The following TRIOBP variants were observed in gnomAD, a reference collection of about 807,000 sequenced individuals.
TRIOBP encodes TRIO and F-actin-binding protein.
TRIOBP carries 169 observed loss-of-function variants against 238.8 expected under a neutral mutation model. The ratio of observed to expected loss-of-function variants is 0.71; its 90% CI spans 0.62 to 0.80. The LOEUF (loss-of-function observed/expected upper bound fraction) is 0.80, where lower values mean the gene tolerates loss of function less well. Ranked by LOEUF, TRIOBP falls within the 30% of genes least tolerant of loss-of-function variation. The probability of loss-of-function intolerance (pLI) is 0.00; values close to 1 mark genes in which losing one functional copy is unlikely to be tolerated. For missense variants in TRIOBP, 2,838 were observed against 3,122.6 expected (o/e 0.91, Z 2.17); for synonymous variants, 1,150 against 1,274.4 (o/e 0.90, Z 2.08).
rs968383354 is a variant in TRIOBP, at chr22:37,723,152, CCCTTA to C, written c.629-28_629-24del. On this transcript the variant is annotated intron_variant, in intron 6 of 23. Coordinates refer to ENST00000644935, the MANE Select transcript of TRIOBP (RefSeq NM_001039141.3). ...AATATGAGAGCTGCCTGGACCTCTC[CCCTTA>C]CCTTGAGCCCCTCTCTTCTCTCTCC... 6 of 1,611,166 alleles carry C rather than the reference CCCTTA, an allele frequency of 3.7e-6. No individual in the cohort carries two copies. The African/African-American group carries it at 8.0e-5, about 22-fold the overall frequency.
chr22:37,772,846 C>T (rs749245446), intron 23 of TRIOBP, 82 bp downstream of exon 23: 56 of 1,529,440 alleles, frequency 3.7e-5, no homozygotes, highest in Non-Finnish European at 5.0e-5. Flanking sequence ...CCACCCCAGC[C>T]AGGCCACTTC....
rs745373939 is a variant in TRIOBP, at chr22:37,769,275, G to A, written c.6749G>A (p.Arg2250His). 5.6e-6 allele frequency: 9 copies of A among 1,610,900 alleles called. No homozygotes were observed. The highest frequency in any genetic ancestry group is 1.3e-5 in the African/African-American group (1 of 74,852). ...TGCCTCTCCCAGGAGCTGCATGGCC[G>A]CCTGTCAGAGGAGATAGACCAGCTG... ...LLRHNQELHG[R>H]LSEEIDQLRG... Residue 2250 changes from arginine to histidine, a missense_variant, in exon 21 of 24, where the codon CGC becomes CAC. This residue lies in a region of TRIOBP where 2,096 missense variants were observed against 2,137.4 expected (regional missense o/e 0.98). Coordinates refer to ENST00000644935, the MANE Select transcript of TRIOBP (RefSeq NM_001039141.3).
intron 3 of TRIOBP, 122 bp from the exon 4 acceptor site, chr22:37,710,305 A>G: frequency 7.0e-7 from 1 of 1,437,884 alleles, no homozygotes; most frequent in Admixed American, 1.9e-5. Context: ...CAGCTCCTTG[A>G]GAAGTGCAGG....
chr22:37,722,297 G>A (rs1482982370), intron 6 of TRIOBP, among the ~76,000 whole-genome samples: 2 of 152,146 alleles, frequency 1.3e-5, no homozygotes, highest in African/African-American at 4.8e-5. Flanking sequence ...GCATAGTGGT[G>A]CATGCCTGTA....
intron 18 of TRIOBP, 57 bp downstream of exon 18, chr22:37,765,874 C>T: frequency 6.5e-7 from 1 of 1,532,774 alleles, no homozygotes; most frequent in Non-Finnish European, 8.7e-7. Flanking sequence ...TGCTGAGGTT[C>T]CTCCTAGCCA....
At chr22:37,705,161 G>A (rs1922867829) in intron 3 of TRIOBP, among the ~76,000 whole-genome samples, 1 of 151,998 alleles carries the variant, frequency 6.6e-6, no homozygotes, top group Admixed American at 6.6e-5. Flanking sequence ...GATCACCTGA[G>A]GTCAGGAGTT....
intron 15 of TRIOBP, among the ~76,000 whole-genome samples, chr22:37,757,231 T>C (rs1200099849): frequency 6.6e-6 from 1 of 152,062 alleles, no homozygotes; most frequent in Non-Finnish European, 1.5e-5. Context: ...GGCGTGGTGG[T>C]GCATGTCTGT....
intron 4 of TRIOBP, among the ~76,000 whole-genome samples, chr22:37,711,004 A>G (rs1323224342): frequency 6.6e-6 from 1 of 152,224 alleles, no homozygotes; most frequent in Non-Finnish European, 1.5e-5. Flanking sequence ...TCACCCACCT[A>G]CGTGGGTGTG....
intron 10 of TRIOBP, among the ~76,000 whole-genome samples, chr22:37,740,039 C>T (rs990632746): frequency 2.6e-5 from 4 of 151,694 alleles, no homozygotes; most frequent in Admixed American, 6.6e-5. Context: ...TGAGTCGGAG[C>T]GCCATCAAAG....
rs1434049652 is a variant in TRIOBP at position 37,771,883 on chromosome 22, C to G, written c.6936+147C>G. On this transcript the variant is annotated intron_variant, in intron 22 of 23. Coordinates refer to ENST00000644935, the MANE Select transcript of TRIOBP (RefSeq NM_001039141.3). ...GCTTCTCCCATGTAGGTGTCATCAT[C>G]CCCATTCACTGACAGGGAAACTGAG... The G allele has an allele frequency of 6.6e-6, 5 of 752,140 alleles. No homozygotes were observed. In the Admixed American group the frequency reaches 1.0e-4, roughly 15 times the overall value. The allele number at this position is 752,140 out of a possible 1,614,324, so 46.6% of individuals were successfully genotyped here.
chr22:37,761,721 A>G (rs1327691490), intron 17 of TRIOBP, among the ~76,000 whole-genome samples: 1 of 151,910 alleles, frequency 6.6e-6, no homozygotes, highest in African/African-American at 2.4e-5. Context: ...GGAAGCCCGG[A>G]GACCGTCCTG....
intron 23 of TRIOBP, 39 bp downstream of exon 23, chr22:37,772,803 G>A (rs1193507133): frequency 3.1e-6 from 5 of 1,601,720 alleles, no homozygotes; most frequent in Non-Finnish European, 4.3e-6. Flanking sequence ...GTGGGCAGGG[G>A]CTGAGGCTCT....
chr22:37,738,803 C>A, intron 10 of TRIOBP, 84 bp downstream of exon 10: 1 of 1,433,598 alleles, frequency 7.0e-7, no homozygotes, highest in Non-Finnish European at 9.7e-7. Context: ...CTCAGAAGAG[C>A]CCTAGAATCA....
At chr22:37,734,014 T>C (rs900660133) in intron 8 of TRIOBP, among the ~76,000 whole-genome samples, 3 of 152,216 alleles carry the variant, frequency 2.0e-5, no homozygotes, top group African/African-American at 2.4e-5. Context: ...GAAGCAAGAA[T>C]CTGGCTCTAA....
rs1569030327 is a variant in TRIOBP at position 37,701,387 on chromosome 22, GC to G, written c.25del (p.Leu9CysfsTer110). ...CAATATGGAGGAGGTGCCTGGGGATGCCCTGTGTGAACACTTTGAGGCCAAC... is the reference window on the plus strand; with the variant it reads ...CAATATGGAGGAGGTGCCTGGGGATGCCTGTGTGAACACTTTGAGGCCAAC... MEEVPGD[A>X]LCEHFEANIL... On this transcript the variant is annotated frameshift_variant, in exon 3 of 24. Transcript: ENST00000644935. LOFTEE classifies it high-confidence loss of function. 6.2e-7 allele frequency: 1 copy of G among 1,613,550 alleles called. No homozygotes were observed. Among genetic ancestry groups the G allele is most frequent in the Non-Finnish European group, 8.5e-7 (1 of 1,179,836 alleles).
intron 3 of TRIOBP, among the ~76,000 whole-genome samples, chr22:37,701,926 G>T (rs890425911): frequency 6.6e-6 from 1 of 152,088 alleles, no homozygotes; most frequent in African/African-American, 2.4e-5. Context: ...TCGGGAGTTT[G>T]AAACCAGCCT....
At chr22:37,739,196 C>G (rs570865259) in intron 10 of TRIOBP, among the ~76,000 whole-genome samples, 1 of 152,224 alleles carries the variant, frequency 6.6e-6, no homozygotes, top group South Asian at 2.1e-4. Flanking sequence ...GGATGCTGCT[C>G]TGAGGCCTGG....
intron 3 of TRIOBP, among the ~76,000 whole-genome samples, chr22:37,703,661 C>T (rs892208730): frequency 1.3e-5 from 2 of 151,838 alleles, no homozygotes; most frequent in Admixed American, 6.6e-5. Context: ...CCCGGCACCA[C>T]GCCCAGCTAA....
At position 37,699,313 on chromosome 22, in the gene TRIOBP, C is replaced by T. The variant is rs1235464414; in HGVS notation, c.-61+1617C>T. ...TTTTTGCCTCCCTCGCTGTGCTTCC[C>T]AAGGGACCTGTGCGAGTTGGCAGTA... On this transcript the variant is annotated intron_variant, in intron 2 of 23. Transcript: ENST00000644935. 2.0e-5 allele frequency among the ~76,000 whole-genome samples: 3 copies of T among 152,072 alleles called. No homozygotes were observed. In the South Asian group the frequency reaches 6.2e-4, roughly 32 times the overall value.
Sources: allele counts gnomAD v4.1 joint callset (sites outside exome capture counted in the v4.1 genomes callset), GRCh38; gene constraint gnomAD v4.1.1; regional missense constraint gnomAD v4.1.1; transcripts MANE v1.5; gene names NCBI Gene and HGNC (gene_info 2026-07-23, HGNC 2026-07-21).